Variants in WWOX observed in about 807,000 individuals in gnomAD.
WWOX encodes WW domain containing oxidoreductase, also known as WW domain-containing oxidoreductase.
WWOX carries 69 observed loss-of-function variants against 46.2 expected under a neutral mutation model. The ratio of observed to expected loss-of-function variants is 1.49; its 90% confidence interval spans 1.23 to 1.82. The LOEUF (loss-of-function observed/expected upper bound fraction) is 1.82. Ranked by LOEUF, WWOX falls within the 40% of genes most tolerant of loss-of-function variation. The pLI is 0.00. For missense variants in WWOX, 919 were observed against 542.6 expected, an observed-to-expected ratio of 1.69 and a Z score of -6.89; for synonymous variants, 359 against 202.6, an observed-to-expected ratio of 1.77 and a Z score of -6.56.
intron 5 of WWOX, among the ~76,000 whole-genome samples, chr16:78,381,576 C>T (rs570690418): frequency 1.6e-4 from 25 of 152,228 alleles, no homozygotes; most frequent in Non-Finnish European, 3.2e-4. Flanking sequence ...AGTCTGTATA[C>T]ATAATTTAAA....
At chr16:78,992,032 T>G (rs751317138) in intron 8 of WWOX, among the ~76,000 whole-genome samples, 10 of 152,214 alleles carry the variant, frequency 6.6e-5, no homozygotes, top group Non-Finnish European at 1.3e-4. Flanking sequence ...CTCCCCACTT[T>G]CAGGCTCTCC....
intron 8 of WWOX, among the ~76,000 whole-genome samples, chr16:79,095,282 C>G (rs1287072469): frequency 6.6e-6 from 1 of 152,100 alleles, no homozygotes; most frequent in Non-Finnish European, 1.5e-5. Context: ...AAAAATGGAC[C>G]CTGCATTTAT....
At chr16:78,442,413 C>G (rs373244797) in intron 8 of WWOX, among the ~76,000 whole-genome samples, 1 of 152,012 alleles carries the variant, frequency 6.6e-6, no homozygotes, top group African/African-American at 2.4e-5. Context: ...ACTTAGGATC[C>G]TTTGACCACT....
chr16:78,923,659 C>T (rs904181611), intron 8 of WWOX, among the ~76,000 whole-genome samples: 1 of 151,936 alleles, frequency 6.6e-6, no homozygotes, highest in Non-Finnish European at 1.5e-5. Context: ...TGGCTTTTTC[C>T]TATTGGAAAA....
chr16:78,176,295 C>T (rs972326248), intron 5 of WWOX, among the ~76,000 whole-genome samples: 1 of 152,200 alleles, frequency 6.6e-6, no homozygotes, highest in Non-Finnish European at 1.5e-5. Flanking sequence ...CCACTCATTT[C>T]TTTGTAACCC....
intron 8 of WWOX, among the ~76,000 whole-genome samples, chr16:78,773,788 A>C (rs2050123183): frequency 6.6e-6 from 1 of 152,196 alleles, no homozygotes; most frequent in Admixed American, 6.5e-5. Context: ...AGTTTGAGCT[A>C]ATTGGGATCA....
intron 8 of WWOX, among the ~76,000 whole-genome samples, chr16:78,806,411 T>C (rs987346656): frequency 6.6e-6 from 1 of 152,222 alleles, no homozygotes; most frequent in Non-Finnish European, 1.5e-5. Flanking sequence ...TTCAGGAATC[T>C]GTAGTTTCAG....
intron 8 of WWOX, among the ~76,000 whole-genome samples, chr16:78,820,470 T>G (rs761186464): frequency 2.0e-5 from 3 of 152,214 alleles, no homozygotes; most frequent in Non-Finnish European, 4.4e-5. Flanking sequence ...ACTGATGATC[T>G]GAGAACTTCT....
intron 5 of WWOX, among the ~76,000 whole-genome samples, chr16:78,357,725 T>C (rs556961557): frequency 6.6e-6 from 1 of 152,288 alleles, no homozygotes; most frequent in East Asian, 1.9e-4. Flanking sequence ...CCAGGCACAG[T>C]GCTGGGTGCT....
intron 8 of WWOX, among the ~76,000 whole-genome samples, chr16:78,651,731 C>A (rs1230421898): frequency 6.6e-6 from 1 of 152,126 alleles, no homozygotes. Context: ...GGGCAGCAGC[C>A]CAAATCTTTG....
intron 8 of WWOX, among the ~76,000 whole-genome samples, chr16:79,089,025 A>G (rs1383730013): frequency 1.3e-5 from 2 of 152,160 alleles, no homozygotes; most frequent in African/African-American, 4.8e-5. Context: ...AATGAAGCCA[A>G]TTTCATTTTG....
intron 8 of WWOX, among the ~76,000 whole-genome samples, chr16:78,846,015 C>A (rs771898049): frequency 2.6e-5 from 4 of 152,076 alleles, no homozygotes; most frequent in Non-Finnish European, 4.4e-5. Context: ...AGCGTGGATG[C>A]GGGAGGCACT....
intron 8 of WWOX, among the ~76,000 whole-genome samples, chr16:78,440,993 A>T (rs773994736): frequency 6.6e-6 from 1 of 151,772 alleles, no homozygotes. Context: ...CCTAGGCTGG[A>T]ATGCAGTGGT....
intron 8 of WWOX, among the ~76,000 whole-genome samples, chr16:79,173,716 C>T (rs1382440979): frequency 2.0e-5 from 3 of 150,522 alleles, no homozygotes; most frequent in East Asian, 3.9e-4. Flanking sequence ...TTCCATAAAT[C>T]ATAGTATATT....
chr16:78,811,226 G>T (rs1417451780), intron 8 of WWOX, among the ~76,000 whole-genome samples: 2 of 152,144 alleles, frequency 1.3e-5, no homozygotes, highest in East Asian at 1.9e-4. Flanking sequence ...TATACACATG[G>T]TCACTCACAT....
intron 8 of WWOX, among the ~76,000 whole-genome samples, chr16:78,899,974 G>C (rs904088300): frequency 2.6e-5 from 4 of 151,386 alleles, no homozygotes; most frequent in African/African-American, 9.7e-5. Context: ...TTGATAATTA[G>C]GTTTGTTAAA....
chr16:78,975,741 G>A (rs1597227537), intron 8 of WWOX, among the ~76,000 whole-genome samples: 2 of 152,260 alleles, frequency 1.3e-5, no homozygotes, highest in East Asian at 3.9e-4. Flanking sequence ...AGAGCCAATT[G>A]AGGCCTTTGG....
chr16:78,402,476 G>T (rs1254175443), intron 6 of WWOX, among the ~76,000 whole-genome samples: 1 of 152,158 alleles, frequency 6.6e-6, no homozygotes. Context: ...AACATCATGG[G>T]TGGGGGGTTG....
chr16:78,196,336 C>G (rs893024575), intron 5 of WWOX, among the ~76,000 whole-genome samples: 1 of 152,136 alleles, frequency 6.6e-6, no homozygotes, highest in Non-Finnish European at 1.5e-5. Context: ...TATAATTCTG[C>G]TTATCTTTTC....
Sources: allele counts gnomAD v4.1 joint callset (sites outside exome capture counted in the v4.1 genomes callset), GRCh38; gene constraint gnomAD v4.1.1; transcripts MANE v1.5; gene names NCBI Gene and HGNC (gene_info 2026-07-23, HGNC 2026-07-21).